ZNF667: variants seen among roughly 807,000 people sequenced by gnomAD.
ZNF667 encodes zinc finger protein 667.
A neutral mutation model predicts 31.8 loss-of-function variants in ZNF667; 13 were observed. That is an observed-to-expected ratio of 0.41 (90% CI 0.27 to 0.65). The LOEUF (loss-of-function observed/expected upper bound fraction) is 0.65, where lower values mean the gene tolerates loss of function less well. Among genes scored for constraint, ZNF667 ranks in the 30% least tolerant of loss-of-function variants. The pLI is 0.32. For missense variants in ZNF667, 642 were observed against 725.6 expected (o/e 0.88, Z 1.32); for synonymous variants, 228 against 247.1 (o/e 0.92, Z 0.73).
chr19:56,451,312 C>G, intron 6 of ZNF667, among the ~76,000 whole-genome samples: 1 of 151,434 alleles, frequency 6.6e-6, no homozygotes, highest in East Asian at 1.9e-4. Flanking sequence ...AATGGAGCAC[C>G]GAGATACATA....
chr19:56,465,569 C>G (rs2043141217), intron 3 of ZNF667, among the ~76,000 whole-genome samples: 1 of 152,254 alleles, frequency 6.6e-6, no homozygotes, highest in African/African-American at 2.4e-5. Context: ...AAGTCCAGTT[C>G]TGACGCCGTT....
At chr19:56,451,880 A>AAC (rs2042832393) in intron 6 of ZNF667, among the ~76,000 whole-genome samples, 1 of 55,520 alleles carries the variant, frequency 1.8e-5, no homozygotes, top group African/African-American at 5.6e-5. Flanking sequence ...AAAAAAAAAA[A>AAC]AAAAAAAAAA....
intron 6 of ZNF667, among the ~76,000 whole-genome samples, chr19:56,454,828 T>C (rs1349515702): frequency 6.6e-6 from 1 of 151,422 alleles, no homozygotes; most frequent in Non-Finnish European, 1.5e-5. Flanking sequence ...ACTAATAGAA[T>C]CATATCAAGT....
chr19:56,472,304 G>C lies in ZNF667; in HGVS notation c.-548-117C>G, dbSNP rs554094551. ...GCCTGTTTGCTCATCTATACAATGG[G>C]GTAAAGAAAACCTACCTCACCTCTG... is the stretch of plus-strand genomic sequence containing the variant. On this transcript the variant is annotated intron_variant, in intron 2 of 6. Transcript: ENST00000504904. 4 of 152,218 alleles carry C rather than the reference G, an allele frequency of 2.6e-5. No homozygotes were observed. The East Asian group carries it at 7.7e-4, about 29-fold the overall frequency. 9.4% of individuals were successfully genotyped at this position (152,218 alleles called of 1,614,324 possible). A position where few individuals can be genotyped will look rare whatever the true frequency, so the allele number is the denominator to read the frequency against.
At chr19:56,450,918 A>G (rs890146454) in intron 6 of ZNF667, among the ~76,000 whole-genome samples, 3 of 152,200 alleles carry the variant, frequency 2.0e-5, no homozygotes, top group Middle Eastern at 3.2e-3. Flanking sequence ...CAAGGAAGAC[A>G]AGAAGGAAAA....
At chr19:56,446,903 G>T (rs564066753) in intron 6 of ZNF667, among the ~76,000 whole-genome samples, 1 of 151,814 alleles carries the variant, frequency 6.6e-6, no homozygotes, top group East Asian at 1.9e-4. Flanking sequence ...CTTTTCCTTT[G>T]TACCTTCCTT....
At chr19:56,473,112 G>A (rs1347775576) in intron 2 of ZNF667, 2 of 152,206 alleles carry the variant, frequency 1.3e-5, no homozygotes, top group African/African-American at 4.8e-5. Flanking sequence ...TGTGCACAAT[G>A]AGAGACACAC....
At chr19:56,470,417 C>T (rs981732690) in intron 3 of ZNF667, among the ~76,000 whole-genome samples, 2 of 152,238 alleles carry the variant, frequency 1.3e-5, no homozygotes, top group Admixed American at 1.3e-4. Flanking sequence ...CTATGCATCA[C>T]ACCATCTCCT....
chr19:56,463,538 T>C (rs1351931846), intron 3 of ZNF667, among the ~76,000 whole-genome samples: 2 of 152,180 alleles, frequency 1.3e-5, no homozygotes, highest in African/African-American at 4.8e-5. Flanking sequence ...TCCCTTTTTT[T>C]TTCTTTTGAG....
At position 56,447,349 on chromosome 19, in the gene ZNF667, C is replaced by T. The variant is rs571438337; in HGVS notation, c.254-4608G>A. Among the ~76,000 whole-genome samples the T allele has an allele frequency of 5.9e-5, 9 of 152,154 alleles. No homozygotes were observed. In the South Asian group the frequency reaches 1.5e-3, roughly 25 times the overall value. On this transcript the variant is annotated intron_variant, in intron 6 of 6. Coordinates refer to ENST00000504904, the MANE Select transcript of ZNF667 (RefSeq NM_001321356.2). ...GGAAAGATCACGAAAAAACAATTCA[C>T]GAGAATAAGTAAAAACAGAAAACAA...
At chr19:56,455,690 T>G (rs913977377) in intron 6 of ZNF667, among the ~76,000 whole-genome samples, 1 of 152,130 alleles carries the variant, frequency 6.6e-6, no homozygotes, top group African/African-American at 2.4e-5. Context: ...ATAAATACAA[T>G]CTACTATTTG....
chr19:56,477,158 C>G (rs1308311805), intron 1 of ZNF667, 114 bp downstream of exon 1: 2 of 152,322 alleles, frequency 1.3e-5, no homozygotes, highest in Non-Finnish European at 2.9e-5. Flanking sequence ...CGCGCAGACG[C>G]CCACGCCATC....
intron 3 of ZNF667, among the ~76,000 whole-genome samples, chr19:56,463,846 A>G (rs186751955): frequency 1.8e-3 from 276 of 152,288 alleles, no homozygotes; most frequent in Non-Finnish European, 3.0e-3. Flanking sequence ...TTTCACTCCA[A>G]TCTATTCACT....
chr19:56,460,706 C>T lies in ZNF667; in HGVS notation c.143G>A (p.Arg48Gln), dbSNP rs777806361. ...AGCCTTACCAAGCGAGACCAGGTTC[C>T]GGTAATTCTCCAACATGACATCTTC... ...LYEDVMLENY[R>Q]NLVSLGLSFR... is the part of the protein sequence containing the mutation. Residue 48 changes from arginine (R) to glutamine (Q), a missense_variant, in exon 5 of 7, where the codon CGG becomes CAG. Coordinates refer to ENST00000504904, the MANE Select transcript of ZNF667 (RefSeq NM_001321356.2). The T allele has an allele frequency of 4.0e-5, 64 of 1,611,726 alleles. No homozygotes were observed. Among genetic ancestry groups the T allele is most frequent in the East Asian group, 2.9e-4 (13 of 44,648 alleles).
At chr19:56,469,826 T>G (rs1219506046) in intron 3 of ZNF667, 4 of 424,048 alleles carry the variant, frequency 9.4e-6, no homozygotes, top group Non-Finnish European at 1.4e-5. Context: ...CGGAAAGGGC[T>G]TAAGTGTTTG....
intron 6 of ZNF667, among the ~76,000 whole-genome samples, chr19:56,449,980 A>G (rs1452998065): frequency 6.6e-6 from 1 of 151,776 alleles, no homozygotes; most frequent in East Asian, 1.9e-4. Flanking sequence ...TACAGGATCT[A>G]GTATATAGAC....
chr19:56,464,927 G>A (rs1198073311), intron 3 of ZNF667, among the ~76,000 whole-genome samples: 1 of 152,190 alleles, frequency 6.6e-6, no homozygotes, highest in Admixed American at 6.5e-5. Context: ...CTCCACATTT[G>A]TCTTTGGAGA....
intron 4 of ZNF667, among the ~76,000 whole-genome samples, chr19:56,461,508 A>T (rs769168436): frequency 6.6e-6 from 1 of 152,170 alleles, no homozygotes; most frequent in African/African-American, 2.4e-5. Flanking sequence ...CTGAGCCCCA[A>T]ATGAGAACAC....
chr19:56,467,286 C>T (rs10410530), intron 3 of ZNF667, among the ~76,000 whole-genome samples: 36,750 of 152,054 alleles, frequency 0.24, 6,017 homozygotes, highest in African/African-American at 0.47. Context: ...ATCCTAATCT[C>T]CAGAACCCAT....
Sources: gnomAD v4.1 joint callset for allele counts (sites outside exome capture counted in the v4.1 genomes callset) on GRCh38, gnomAD v4.1.1 for gene constraint, MANE v1.5 for transcripts, NCBI Gene and HGNC (gene_info 2026-07-23, HGNC 2026-07-21) for gene names.